The following CUL2 variants were observed in gnomAD, a reference collection of about 807,000 sequenced individuals.
CUL2 encodes cullin-2.
CUL2 carries 22 observed loss-of-function variants against 110.2 expected under a neutral mutation model. The observed-to-expected ratio is 0.20, with a 90% confidence interval of 0.14 to 0.28. The LOEUF is 0.28. Among genes scored for constraint, CUL2 ranks in the 10% least tolerant of loss-of-function variants. The pLI is 1.00. For missense variants in CUL2, 631 were observed against 905.5 expected (o/e 0.70, Z 3.89); for synonymous variants, 279 against 293.2 (o/e 0.95, Z 0.49).
intron 5 of CUL2, among the ~76,000 whole-genome samples, chr10:35,052,624 G>A (rs919870929): frequency 6.6e-5 from 10 of 152,082 alleles, no homozygotes; most frequent in Admixed American, 3.9e-4. Flanking sequence ...TGGGGGGCGC[G>A]GTGGCTCATA....
chr10:35,103,770 T>G (rs1210497167), intron 1 of CUL2, among the ~76,000 whole-genome samples: 3 of 152,108 alleles, frequency 2.0e-5, no homozygotes, highest in Non-Finnish European at 4.4e-5. Context: ...GCTCAAAATG[T>G]TTTCACCGAT....
At chr10:35,014,992 A>T (rs1267334484) in intron 18 of CUL2, among the ~76,000 whole-genome samples, 1 of 152,160 alleles carries the variant, frequency 6.6e-6, no homozygotes, top group Non-Finnish European at 1.5e-5. Flanking sequence ...ATTAACCTTA[A>T]GAAATCCCTA....
chr10:35,009,157 C>T lies in CUL2; in HGVS notation c.*1154G>A, dbSNP rs909117271. On this transcript the variant is annotated 3_prime_UTR_variant, in exon 21 of 21. Coordinates refer to ENST00000374749, the MANE Select transcript of CUL2 (RefSeq NM_003591.4). ...ATAGACAATAAATATGATAATAGAT[C>T]GCAGTACTCTTAACACTGCTGTTGA... is the stretch of plus-strand genomic sequence containing the variant. 17 of 143,336 alleles carry T rather than the reference C, an allele frequency of 1.2e-4. No homozygotes were observed. Among genetic ancestry groups the T allele is most frequent in the South Asian group, 6.5e-4 (3 of 4,596 alleles). The allele number at this position is 143,336 out of a possible 1,614,324, so 8.9% of individuals were successfully genotyped here.
intron 6 of CUL2, among the ~76,000 whole-genome samples, chr10:35,047,464 G>C (rs1012580240): frequency 2.7e-5 from 4 of 150,860 alleles, no homozygotes; most frequent in Admixed American, 1.3e-4. Flanking sequence ...AAAAAAAATA[G>C]CCGGGTGTGG....
At chr10:35,126,754 T>C (rs1469886798), upstream of CUL2, 1 of 151,710 alleles carries the variant, frequency 6.6e-6, no homozygotes, top group Non-Finnish European at 1.5e-5. Context: ...TAGTTCCTCC[T>C]CTTGGCCCCG....
chr10:35,114,435 T>G (rs185913732), intron 1 of CUL2, among the ~76,000 whole-genome samples: 33 of 151,792 alleles, frequency 2.2e-4, no homozygotes, highest in African/African-American at 7.7e-4. Context: ...CAGGCTGGAG[T>G]GCTATGGCAC....
chr10:35,020,273 T>A (rs1322642281), intron 17 of CUL2, among the ~76,000 whole-genome samples: 2 of 151,464 alleles, frequency 1.3e-5, no homozygotes, highest in Non-Finnish European at 2.9e-5. Flanking sequence ...TGCTGAGAAG[T>A]GGGGAGGTGG....
At chr10:35,078,616 A>T (rs1423029595) in intron 1 of CUL2, among the ~76,000 whole-genome samples, 2 of 152,150 alleles carry the variant, frequency 1.3e-5, no homozygotes, top group Non-Finnish European at 2.9e-5. Context: ...TTTTTCATAT[A>T]AAGAGATTTG....
intron 2 of CUL2, chr10:35,064,063 A>T (rs892042949): frequency 6.6e-6 from 1 of 152,226 alleles, no homozygotes; most frequent in Non-Finnish European, 1.5e-5. Flanking sequence ...AAGCTATGCC[A>T]TCTTATCAGT....
At chr10:35,106,941 C>T (rs2087465037) in intron 1 of CUL2, among the ~76,000 whole-genome samples, 2 of 143,776 alleles carry the variant, frequency 1.4e-5, no homozygotes, top group South Asian at 4.6e-4. Context: ...GTCTGCATTG[C>T]CCTTAACCTG....
At position 35,039,007 on chromosome 10, in the gene CUL2, G is replaced by A; in HGVS notation, c.790C>T (p.His264Tyr). 1 of 1,608,712 alleles carries A rather than the reference G, an allele frequency of 6.2e-7. No individual in the cohort carries two copies. The highest frequency in any genetic ancestry group is 8.5e-7 in the Non-Finnish European group (1 of 1,176,184). The change falls in exon 9 of 21, where the codon CAT becomes TAT. Residue 264 changes from histidine to tyrosine, a missense_variant. His to Tyr is a moderately conservative substitution (Grantham distance 83, BLOSUM62 2). Around this residue, in one of 3 missense-constraint regions of CUL2, gnomAD observed 338 missense variants for 442.5 expected, o/e 0.76. Coordinates refer to ENST00000374749, the MANE Select transcript of CUL2 (RefSeq NM_003591.4). ...GCTACCATTCGTTGTTGACATTCAT[G>A]AATCACCTTAGTATATGAACTTGGA... ...LHPSSYTKVIHECQQRMVADH... is the reference protein window; with the variant it reads ...LHPSSYTKVIYECQQRMVADH...
chr10:35,053,097 C>CTG (rs952559870), intron 5 of CUL2, among the ~76,000 whole-genome samples: 11 of 151,212 alleles, frequency 7.3e-5, no homozygotes, highest in South Asian at 2.1e-4. Flanking sequence ...ATCAAAACTG[C>CTG]TGTGTGTGTG....
chr10:35,069,026 G>A (rs954135176), intron 2 of CUL2, among the ~76,000 whole-genome samples: 31 of 151,960 alleles, frequency 2.0e-4, no homozygotes, highest in African/African-American at 6.5e-4. Context: ...CCACAACCAC[G>A]CCCAGCTAAT....
intron 17 of CUL2, among the ~76,000 whole-genome samples, chr10:35,016,665 G>C (rs1057421129): frequency 2.0e-5 from 3 of 152,084 alleles, no homozygotes; most frequent in Non-Finnish European, 2.9e-5. Flanking sequence ...AGCGGCTCAC[G>C]CCTGTAATCC....
At chr10:35,060,822 C>T in intron 4 of CUL2, 52 bp downstream of exon 4, 1 of 1,410,824 alleles carries the variant, frequency 7.1e-7, no homozygotes, top group South Asian at 1.2e-5. Context: ...CTGTCAACTA[C>T]TGAATGCAGG....
At chr10:35,123,209 C>G (rs2135151969) in intron 1 of CUL2, among the ~76,000 whole-genome samples, 1 of 152,288 alleles carries the variant, frequency 6.6e-6, no homozygotes, top group South Asian at 2.1e-4. Context: ...TAGTTACACT[C>G]TGTCAGCTAA....
In CUL2 at chr10:35,113,181, C is replaced by CAAA. The variant is rs71660665; in HGVS notation, c.-50-12124_-50-12122dup. On this transcript the variant is annotated intron_variant, in intron 1 of 5. Coordinates refer to the CUL2 transcript ENST00000685421. ...CTGGAGACAGAGCAAGACTCCATCT[C>CAAA]AAAAAAAAAAAAAAAAAAAAAAAGA... Among the ~76,000 whole-genome samples, 126 of 36,566 alleles carry CAAA rather than the reference C, an allele frequency of 3.4e-3. 2 individuals carry two copies. The highest frequency in any genetic ancestry group is 7.3e-3 in the African/African-American group (60 of 8,204). The allele number at this position is 36,566 out of a possible 152,430, so 24.0% of individuals were successfully genotyped here. A position where few individuals can be genotyped will look rare whatever the true frequency, so the allele number is the denominator to read the frequency against.
intron 2 of CUL2, among the ~76,000 whole-genome samples, chr10:35,066,125 G>A (rs1468120037): frequency 6.6e-6 from 1 of 152,048 alleles, no homozygotes; most frequent in African/African-American, 2.4e-5. Flanking sequence ...CCTACGCTTG[G>A]CTTAATTTTG....
At chr10:35,026,466 C>T (rs576535347) in intron 16 of CUL2, among the ~76,000 whole-genome samples, 36 of 152,196 alleles carry the variant, frequency 2.4e-4, no homozygotes, top group African/African-American at 7.9e-4. Context: ...AAAACACTTT[C>T]GGAAATGAGA....
Sources: allele counts gnomAD v4.1 joint callset (sites outside exome capture counted in the v4.1 genomes callset), GRCh38; gene constraint gnomAD v4.1.1; regional missense constraint gnomAD v4.1.1; transcripts MANE v1.5; gene names NCBI Gene and HGNC (gene_info 2026-07-23, HGNC 2026-07-21).